The following CCSER1 variants were observed in gnomAD, a reference collection of about 807,000 sequenced individuals.
CCSER1 encodes the protein serine-rich coiled-coil domain-containing protein 1.
In CCSER1, 41 loss-of-function variants were observed where a neutral mutation model predicts 82.0. The ratio of observed to expected loss-of-function variants is 0.50; its 90% confidence interval spans 0.39 to 0.65. The LOEUF is 0.65. Ranked by LOEUF, CCSER1 falls within the 30% of genes least tolerant of loss-of-function variation. The probability of loss-of-function intolerance (pLI) is 0.00; values close to 1 mark genes in which losing one functional copy is unlikely to be tolerated. For missense variants in CCSER1, 1,119 were observed against 1,064.2 expected (o/e 1.05, Z -0.72); for synonymous variants, 414 against 383.9 (o/e 1.08, Z -0.92).
chr4:90,698,099 A>G (rs148687409), intron 6 of CCSER1, among the ~76,000 whole-genome samples: 131 of 152,314 alleles, frequency 8.6e-4, no homozygotes, highest in African/African-American at 2.7e-3. Context: ...AGGTGGAGAG[A>G]TCATTATGAA....
At chr4:90,700,551 G>A (rs1463022579) in intron 6 of CCSER1, among the ~76,000 whole-genome samples, 1 of 152,174 alleles carries the variant, frequency 6.6e-6, no homozygotes, top group Non-Finnish European at 1.5e-5. Context: ...CTCGATCCTT[G>A]AGGAATTGCC....
intron 5 of CCSER1, among the ~76,000 whole-genome samples, chr4:90,627,112 T>G (rs1723436855): frequency 6.6e-6 from 1 of 152,126 alleles, no homozygotes; most frequent in Non-Finnish European, 1.5e-5. Context: ...ATTATAGATA[T>G]AAAATGGAGG....
intron 9 of CCSER1, among the ~76,000 whole-genome samples, chr4:91,050,909 G>A (rs1402089369): frequency 6.6e-6 from 1 of 152,088 alleles, no homozygotes; most frequent in Non-Finnish European, 1.5e-5. Context: ...AATACCCTCT[G>A]TATTATTCTC....
At chr4:91,362,684 T>G (rs1749329959) in intron 10 of CCSER1, among the ~76,000 whole-genome samples, 1 of 151,814 alleles carries the variant, frequency 6.6e-6, no homozygotes, top group Non-Finnish European at 1.5e-5. Context: ...ACTTTACAAG[T>G]ATGCAGAGCC....
At chr4:90,976,853 G>A (rs1427979686) in intron 9 of CCSER1, among the ~76,000 whole-genome samples, 1 of 151,264 alleles carries the variant, frequency 6.6e-6, no homozygotes, top group Non-Finnish European at 1.5e-5. Context: ...TTCCTCTGTG[G>A]TACACACAGA....
chr4:91,226,753 G>T (rs1182656181), intron 10 of CCSER1, among the ~76,000 whole-genome samples: 1 of 151,782 alleles, frequency 6.6e-6, no homozygotes, highest in African/African-American at 2.4e-5. Context: ...GGATAAACTT[G>T]TACATTTCAT....
At chr4:90,639,542 G>T (rs1052839447) in intron 6 of CCSER1, among the ~76,000 whole-genome samples, 2 of 151,988 alleles carry the variant, frequency 1.3e-5, no homozygotes, top group Non-Finnish European at 2.9e-5. Flanking sequence ...CAGAATGAAA[G>T]AAATTGAGAT....
intron 10 of CCSER1, among the ~76,000 whole-genome samples, chr4:91,210,418 A>ATTGGACAATTAATAAAAAAAGAGTTACAG (rs1736716531): frequency 2.0e-5 from 3 of 151,626 alleles, no homozygotes; most frequent in Admixed American, 1.3e-4. Context: ...ATACTTATTA[A>ATTGGACAATTAATAAAAAAAGAGTTACAG]TTGGACAATT....
chr4:90,476,040 GTGTGTA>G (rs1425964685), intron 5 of CCSER1, among the ~76,000 whole-genome samples: 5 of 146,504 alleles, frequency 3.4e-5, no homozygotes, highest in Non-Finnish European at 7.5e-5. Context: ...GTGTGTGTGT[GTGTGTA>G]TGTGTGTGTG....
intron 9 of CCSER1, among the ~76,000 whole-genome samples, chr4:90,928,964 A>G (rs1368799587): frequency 6.6e-6 from 1 of 152,122 alleles, no homozygotes; most frequent in Non-Finnish European, 1.5e-5. Flanking sequence ...CTTCTATATC[A>G]TATTCATCTA....
In CCSER1 at chr4:91,013,875, C is replaced by T. The variant is rs1434522700; in HGVS notation, c.2173-72075C>T. On this transcript the variant is annotated intron_variant, in intron 9 of 10. Coordinates refer to ENST00000509176, the MANE Select transcript of CCSER1 (RefSeq NM_001145065.2). ...TGACCTCGTGATCCGCCTCTCTTAG[C>T]CTCCCAAAGTGCTGGGATTACAGAT... Among the ~76,000 whole-genome samples the T allele has an allele frequency of 6.1e-5, 8 of 130,634 alleles. 1 individual carries two copies. In the Admixed American group the frequency reaches 6.2e-4, roughly 10 times the overall value. The allele number at this position is 130,634 out of a possible 152,430, so 85.7% of individuals were successfully genotyped here.
rs142475539 is a variant in CCSER1, at chr4:91,030,804, G to T, written c.2173-55146G>T. ...TTTTTTTTCATCTGTAAATCCAAAA[G>T]CTGTGTGAAAAGCTGTATAAATTAA... On this transcript the variant is annotated intron_variant, in intron 9 of 10. Transcript: ENST00000509176. Among the ~76,000 whole-genome samples, 265 of 125,960 alleles carry T rather than the reference G, an allele frequency of 2.1e-3. 7 individuals are homozygous for T. The East Asian group carries it at 0.062, about 30-fold the overall frequency. 82.6% of individuals were successfully genotyped at this position (125,960 alleles called of 152,430 possible). A position where few individuals can be genotyped will look rare whatever the true frequency, so the allele number is the denominator to read the frequency against.
intron 5 of CCSER1, among the ~76,000 whole-genome samples, chr4:90,522,218 A>T (rs998189784): frequency 6.6e-6 from 1 of 152,160 alleles, no homozygotes; most frequent in Non-Finnish European, 1.5e-5. Flanking sequence ...TAATAATATC[A>T]TCATCTAATG....
At chr4:91,573,958 G>A (rs148619239) in intron 10 of CCSER1, among the ~76,000 whole-genome samples, 433 of 152,112 alleles carry the variant, frequency 2.8e-3, no homozygotes, top group Admixed American at 4.5e-3. Context: ...TAACCAAGGA[G>A]GTGAAAGATC....
chr4:90,351,568 G>T (rs1388585893), intron 3 of CCSER1, among the ~76,000 whole-genome samples: 3 of 151,980 alleles, frequency 2.0e-5, no homozygotes, highest in Non-Finnish European at 4.4e-5. Flanking sequence ...AGAAAATAGT[G>T]AATAAGCTGA....
intron 10 of CCSER1, among the ~76,000 whole-genome samples, chr4:91,261,559 A>G (rs1465312259): frequency 1.3e-5 from 2 of 152,180 alleles, no homozygotes; most frequent in African/African-American, 4.8e-5. Flanking sequence ...CGAGCAAACT[A>G]TTCAATATTC....
intron 1 of CCSER1, among the ~76,000 whole-genome samples, chr4:90,252,176 C>T (rs1560881099): frequency 6.6e-6 from 1 of 151,746 alleles, no homozygotes; most frequent in Non-Finnish European, 1.5e-5. Flanking sequence ...GGTTGAGCAA[C>T]CCAAATCCAA....
intron 7 of CCSER1, among the ~76,000 whole-genome samples, chr4:90,802,047 GCCTCTACTAA>G (rs1365271576): frequency 6.6e-6 from 1 of 151,566 alleles, no homozygotes; most frequent in Admixed American, 6.6e-5. Flanking sequence ...GTGAAACCCT[GCCTCTACTAA>G]AAATACAAAA....
intron 4 of CCSER1, among the ~76,000 whole-genome samples, chr4:90,412,379 T>C (rs2153555593): frequency 6.6e-6 from 1 of 150,522 alleles, no homozygotes; most frequent in South Asian, 2.1e-4. Context: ...GACGAGTTGA[T>C]GGGTGCAGCA....
Sources: allele counts gnomAD v4.1 joint callset (sites outside exome capture counted in the v4.1 genomes callset), GRCh38; gene constraint gnomAD v4.1.1; transcripts MANE v1.5; gene names NCBI Gene and HGNC (gene_info 2026-07-23, HGNC 2026-07-21).